RAB3GAP1: variants seen among roughly 807,000 people sequenced by gnomAD.
RAB3GAP1 encodes RAB3 GTPase activating protein catalytic subunit 1, also known as rab3 GTPase-activating protein catalytic subunit.
A neutral mutation model predicts 130.7 loss-of-function variants in RAB3GAP1; 86 were observed. That is an observed-to-expected ratio of 0.66 (90% confidence interval 0.55 to 0.79). The LOEUF (loss-of-function observed/expected upper bound fraction) is 0.79, where lower values mean the gene tolerates loss of function less well. Ranked by LOEUF, RAB3GAP1 falls within the 30% of genes least tolerant of loss-of-function variation. The probability of loss-of-function intolerance (pLI) is 0.00; values close to 1 mark genes in which losing one functional copy is unlikely to be tolerated. For synonymous variants in RAB3GAP1, 367 were observed against 401.7 expected, an observed-to-expected ratio of 0.91 and a Z score of 1.03; for missense variants, 1,029 against 1,169.4, an observed-to-expected ratio of 0.88 and a Z score of 1.75.
intron 3 of RAB3GAP1, among the ~76,000 whole-genome samples, chr2:135,069,797 C>G (rs1466784646): frequency 6.6e-6 from 1 of 152,164 alleles, no homozygotes; most frequent in African/African-American, 2.4e-5. Context: ...CCCTGCCCTC[C>G]CTCACCTCCA....
intron 2 of RAB3GAP1, 152 bp from the exon 3 acceptor site, chr2:135,057,859 C>T: frequency 1.6e-6 from 1 of 642,928 alleles, no homozygotes; most frequent in Non-Finnish European, 2.8e-6. Context: ...TTCTCTTACC[C>T]CATATCCATA....
intron 4 of RAB3GAP1, among the ~76,000 whole-genome samples, chr2:135,092,583 C>G (rs1167789487): frequency 2.6e-5 from 4 of 152,146 alleles, no homozygotes; most frequent in Non-Finnish European, 2.9e-5. Flanking sequence ...ATTACAGGCA[C>G]CAATCACCAT....
At chr2:135,064,362 G>T (rs914121855) in intron 3 of RAB3GAP1, among the ~76,000 whole-genome samples, 1 of 152,010 alleles carries the variant, frequency 6.6e-6, no homozygotes, top group African/African-American at 2.4e-5. Flanking sequence ...GTGGGTCTCT[G>T]AGGTTCTGCT....
chr2:135,140,078 G>A (rs1010506401), intron 17 of RAB3GAP1, among the ~76,000 whole-genome samples: 3 of 152,134 alleles, frequency 2.0e-5, no homozygotes, highest in African/African-American at 7.2e-5. Context: ...GCAGGCTTCA[G>A]TGTTTGTGCA....
At chr2:135,104,035 G>T (rs1690525193) in intron 5 of RAB3GAP1, among the ~76,000 whole-genome samples, 1 of 152,176 alleles carries the variant, frequency 6.6e-6, no homozygotes, top group Admixed American at 6.5e-5. Context: ...AGATCATTTA[G>T]CAGAAAGTGA....
At chr2:135,092,730 G>A (rs1019797598) in intron 4 of RAB3GAP1, among the ~76,000 whole-genome samples, 2 of 152,182 alleles carry the variant, frequency 1.3e-5, no homozygotes, top group African/African-American at 4.8e-5. Flanking sequence ...GAATCACTGT[G>A]CCCAGCCAAA....
At chr2:135,053,266 T>G (rs1466897523) in intron 2 of RAB3GAP1, among the ~76,000 whole-genome samples, 1 of 152,258 alleles carries the variant, frequency 6.6e-6, no homozygotes, top group Non-Finnish European at 1.5e-5. Context: ...GCCCATCCTG[T>G]CTTTTAGAAT....
chr2:135,118,466 C>G lies in RAB3GAP1; in HGVS notation c.649-2353C>G, dbSNP rs556288982. Among the ~76,000 whole-genome samples the G allele has an allele frequency of 1.5e-3, 232 of 152,210 alleles. 4 individuals carry two copies. The South Asian group carries it at 0.047, about 31-fold the overall frequency. The stretch of plus-strand genomic sequence containing the variant: ...GAAAACTTTCATAACTTCATCTTTT[C>G]TTTTTCATCTTAGACATTCTTAGTT... On this transcript the variant is annotated intron_variant, in intron 7 of 23. Coordinates refer to ENST00000264158, the MANE Select transcript of RAB3GAP1 (RefSeq NM_012233.3).
intron 23 of RAB3GAP1, among the ~76,000 whole-genome samples, chr2:135,166,186 T>C (rs1416808221): frequency 6.6e-6 from 1 of 151,660 alleles, no homozygotes; most frequent in Non-Finnish European, 1.5e-5. Context: ...AAAAAAGTTA[T>C]GTGTTAAGAG....
chr2:135,113,634 C>T (rs1690883998), intron 6 of RAB3GAP1, among the ~76,000 whole-genome samples: 1 of 152,180 alleles, frequency 6.6e-6, no homozygotes, highest in Non-Finnish European at 1.5e-5. Context: ...ACCTTACTTC[C>T]ATTTTCTGTC....
Position 135,132,932 on chromosome 2 carries a change from A to T in RAB3GAP1, c.1274A>T (p.Asp425Val). The stretch of plus-strand genomic sequence containing the variant: ...GATGCTGTTTCTGAGAAACCATTAG[A>T]TGGAACTACTTCAACAGATAATAAT... ...FPDAVSEKPL[D>V]GTTSTDNNNP... Residue 425 changes from aspartate (D) to valine (V), a missense_variant, in exon 14 of 24, where the codon GAT becomes GTT. Physicochemically the swap from Asp to Val is radical, Grantham distance 152. Around this residue, in one of 3 missense-constraint regions of RAB3GAP1, gnomAD observed 510 missense variants for 532.1 expected, o/e 0.96. Coordinates refer to ENST00000264158, the MANE Select transcript of RAB3GAP1 (RefSeq NM_012233.3). 6.3e-7 allele frequency: 1 copy of T among 1,585,414 alleles called. No individual in the cohort carries two copies.
intron 19 of RAB3GAP1, 200 bp from the exon 20 acceptor site, chr2:135,162,355 G>C (rs1002217944): frequency 1.7e-6 from 1 of 573,064 alleles, no homozygotes; most frequent in Non-Finnish European, 3.1e-6. Context: ...GAAAAAAATA[G>C]AATATTTATA....
At chr2:135,133,245 G>T (rs556827829) in intron 14 of RAB3GAP1, among the ~76,000 whole-genome samples, 132 of 152,192 alleles carry the variant, frequency 8.7e-4, no homozygotes, top group African/African-American at 3.1e-3. Context: ...TAGAGTTTTG[G>T]TGAAATCATT....
chr2:135,151,943 A>G (rs778986978), intron 18 of RAB3GAP1, among the ~76,000 whole-genome samples: 3 of 152,238 alleles, frequency 2.0e-5, no homozygotes, highest in Non-Finnish European at 4.4e-5. Flanking sequence ...AGTTCTATAT[A>G]GTTCCTCTAA....
chr2:135,163,159 T>G, intron 22 of RAB3GAP1, 58 bp downstream of exon 22: 1 of 1,169,540 alleles, frequency 8.6e-7, no homozygotes, highest in Admixed American at 1.7e-5. Context: ...ACCACTCTCT[T>G]AAGAAAAATT....
intron 2 of RAB3GAP1, 152 bp downstream of exon 2, chr2:135,052,637 A>G (rs1355322474): frequency 3.3e-6 from 3 of 921,364 alleles, no homozygotes; most frequent in Non-Finnish European, 5.2e-6. Flanking sequence ...TTCTTTGGTC[A>G]ACCGCAAGCC....
At chr2:135,064,858 A>G (rs2104832184) in intron 3 of RAB3GAP1, among the ~76,000 whole-genome samples, 1 of 151,408 alleles carries the variant, frequency 6.6e-6, no homozygotes, top group Non-Finnish European at 1.5e-5. Flanking sequence ...TTATAATGTA[A>G]GCATAAATTT....
chr2:135,061,634 A>G (rs1271018091), intron 3 of RAB3GAP1, among the ~76,000 whole-genome samples: 1 of 151,834 alleles, frequency 6.6e-6, no homozygotes, highest in African/African-American at 2.4e-5. Flanking sequence ...CATTTTAAAA[A>G]TTGGATTTTG....
At chr2:135,162,517 C>G in intron 19 of RAB3GAP1, 38 bp from the exon 20 acceptor site, 1 of 1,512,074 alleles carries the variant, frequency 6.6e-7, no homozygotes, top group Non-Finnish European at 9.2e-7. Flanking sequence ...TCCTTTGACA[C>G]CTGCGCTGAT....
Sources: gnomAD v4.1 joint callset for allele counts (sites outside exome capture counted in the v4.1 genomes callset) on GRCh38, gnomAD v4.1.1 for gene constraint, gnomAD v4.1.1 regional missense constraint, MANE v1.5 for transcripts, NCBI Gene and HGNC (gene_info 2026-07-23, HGNC 2026-07-21) for gene names.